PDE3B: variants seen among roughly 807,000 people sequenced by gnomAD.
The protein encoded by PDE3B is cGMP-inhibited 3',5'-cyclic phosphodiesterase 3B.
In PDE3B, 66 loss-of-function variants were observed where a neutral mutation model predicts 116.8. That is an observed-to-expected ratio of 0.56 (90% CI 0.46 to 0.69). PDE3B has a LOEUF of 0.69. Among genes scored for constraint, PDE3B ranks in the 30% least tolerant of loss-of-function variants. The probability of loss-of-function intolerance (pLI) is 0.00; values close to 1 mark genes in which losing one functional copy is unlikely to be tolerated. For synonymous variants in PDE3B, 595 were observed against 533.6 expected (o/e 1.12, Z -1.59); for missense variants, 1,384 against 1,368.1 (o/e 1.01, Z -0.18).
chr11:14,866,225 CAG>C (rs1359056395), intron 14 of PDE3B, among the ~76,000 whole-genome samples: 1 of 152,146 alleles, frequency 6.6e-6, no homozygotes, highest in Admixed American at 6.6e-5. Flanking sequence ...TATGTTATCT[CAG>C]AGAGTTTCAC....
At chr11:14,685,415 C>T (rs1854841252) in intron 1 of PDE3B, among the ~76,000 whole-genome samples, 3 of 136,548 alleles carry the variant, frequency 2.2e-5, no homozygotes, top group South Asian at 2.7e-4. Flanking sequence ...TCTTGGAAGA[C>T]AATTAATCAC....
At chr11:14,731,417 C>T (rs547751209) in intron 1 of PDE3B, among the ~76,000 whole-genome samples, 303 of 152,062 alleles carry the variant, frequency 2.0e-3, no homozygotes, top group Non-Finnish European at 3.2e-3. Flanking sequence ...CGCCACCACA[C>T]CCGGCTACTT....
At chr11:14,685,591 G>A (rs928631179) in intron 1 of PDE3B, among the ~76,000 whole-genome samples, 3 of 151,426 alleles carry the variant, frequency 2.0e-5, no homozygotes, top group Non-Finnish European at 2.9e-5. Context: ...AAGTAGCTGG[G>A]ATTACAGACG....
chr11:14,771,085 A>G (rs1250551701), intron 1 of PDE3B, among the ~76,000 whole-genome samples: 2 of 151,712 alleles, frequency 1.3e-5, no homozygotes, highest in Non-Finnish European at 3.0e-5. Context: ...CAACACAAAT[A>G]GTTCAATATA....
At chr11:14,869,370 G>A (rs574019156) in intron 15 of PDE3B, 91 bp from the exon 16 acceptor site, 30 of 923,944 alleles carry the variant, frequency 3.2e-5, no homozygotes, top group Non-Finnish European at 5.0e-5. Context: ...TATACTCCCA[G>A]TGCTTAGATA....
intron 12 of PDE3B, among the ~76,000 whole-genome samples, chr11:14,851,710 C>T (rs1271832341): frequency 6.6e-6 from 1 of 152,010 alleles, no homozygotes; most frequent in African/African-American, 2.4e-5. Flanking sequence ...TTCTTATTTG[C>T]AATACCATTC....
intron 5 of PDE3B, among the ~76,000 whole-genome samples, chr11:14,814,205 T>C (rs999562153): frequency 7.2e-5 from 11 of 152,168 alleles, no homozygotes; most frequent in African/African-American, 2.7e-4. Flanking sequence ...GGAAACAAGA[T>C]AAAGATGTTC....
chr11:14,803,623 A>G (rs1052548189), intron 4 of PDE3B, among the ~76,000 whole-genome samples: 14 of 152,234 alleles, frequency 9.2e-5, no homozygotes, highest in African/African-American at 3.4e-4. Flanking sequence ...TATGGACCTA[A>G]TCTGGTCTAT....
At chr11:14,784,374 C>T (rs139208928) in intron 2 of PDE3B, among the ~76,000 whole-genome samples, 1 of 152,246 alleles carries the variant, frequency 6.6e-6, no homozygotes, top group East Asian at 1.9e-4. Flanking sequence ...ATACTCAAGA[C>T]AAGACAATTA....
At chr11:14,754,465 T>C (rs181732387) in intron 1 of PDE3B, among the ~76,000 whole-genome samples, 1 of 152,244 alleles carries the variant, frequency 6.6e-6, no homozygotes, top group East Asian at 1.9e-4. Flanking sequence ...GATATTATTA[T>C]TGCTATGTTA....
chr11:14,860,897 TAATA>T (rs1489576904), intron 13 of PDE3B, among the ~76,000 whole-genome samples: 104 of 139,710 alleles, frequency 7.4e-4, no homozygotes, highest in African/African-American at 2.4e-3. Context: ...GTACTATACT[TAATA>T]AATACATATA....
chr11:14,669,333 T>A (rs1174549798), intron 1 of PDE3B, among the ~76,000 whole-genome samples: 3 of 151,978 alleles, frequency 2.0e-5, no homozygotes, highest in East Asian at 3.9e-4. Flanking sequence ...TGTATTCCAT[T>A]GGTTGACTCC....
At chr11:14,891,678 C>G in the PDE3B span, 2 of 1,171,828 alleles carry the variant, frequency 1.7e-6, no homozygotes, top group Non-Finnish European at 2.1e-6. Context: ...GGCTGGCGAG[C>G]CAAACGGCGC....
At chr11:14,851,202 C>G (rs1847743141) in intron 12 of PDE3B, among the ~76,000 whole-genome samples, 1 of 151,872 alleles carries the variant, frequency 6.6e-6, no homozygotes, top group Non-Finnish European at 1.5e-5. Context: ...TTTGTTTATG[C>G]TGGGGATTCC....
intron 1 of PDE3B, among the ~76,000 whole-genome samples, chr11:14,722,652 C>G (rs1205664051): frequency 6.6e-6 from 1 of 152,120 alleles, no homozygotes; most frequent in Non-Finnish European, 1.5e-5. Flanking sequence ...TGTGAGCGAG[C>G]TGAGAAGCAG....
At chr11:14,847,644 G>T (rs1445385295) in intron 12 of PDE3B, among the ~76,000 whole-genome samples, 1 of 152,118 alleles carries the variant, frequency 6.6e-6, no homozygotes, top group Non-Finnish European at 1.5e-5. Flanking sequence ...AATAAAAAAT[G>T]ATAAAGGGGA....
chr11:14,828,762 A>G (rs1859780434), intron 7 of PDE3B, among the ~76,000 whole-genome samples: 1 of 152,190 alleles, frequency 6.6e-6, no homozygotes, highest in Non-Finnish European at 1.5e-5. Context: ...TGATTCCTCA[A>G]AGACCTAAAA....
chr11:14,878,192 G>A, the PDE3B span: 2 of 1,613,210 alleles, frequency 1.2e-6, no homozygotes, highest in South Asian at 1.1e-5. Flanking sequence ...CTTCAGATCT[G>A]GAACTAGTTC....
intron 1 of PDE3B, among the ~76,000 whole-genome samples, chr11:14,670,062 C>T (rs995415245): frequency 3.9e-5 from 6 of 152,052 alleles, no homozygotes; most frequent in Admixed American, 2.6e-4. Context: ...AGTTTTGTGC[C>T]TTAGCATAGT....
Sources: gnomAD v4.1 joint callset for allele counts (sites outside exome capture counted in the v4.1 genomes callset) on GRCh38, gnomAD v4.1.1 for gene constraint, MANE v1.5 for transcripts, NCBI Gene and HGNC (gene_info 2026-07-23, HGNC 2026-07-21) for gene names.